AOPEP: variants seen among roughly 807,000 people sequenced by gnomAD.
AOPEP encodes the protein aminopeptidase O (putative).
A neutral mutation model predicts 98.1 loss-of-function variants in AOPEP; 77 were observed. That is an observed-to-expected ratio of 0.78 (90% CI 0.65 to 0.95). AOPEP has a LOEUF of 0.95. Among genes scored for constraint, AOPEP ranks in the 40% least tolerant of loss-of-function variants. AOPEP has a pLI of 0.00. For missense variants in AOPEP, 1,024 were observed against 1,024.7 expected (o/e 1.00, Z 0.01); for synonymous variants, 346 against 365.3 (o/e 0.95, Z 0.60).
At chr9:94,803,579 G>A (rs2584804) in intron 5 of AOPEP, among the ~76,000 whole-genome samples, 21,484 of 152,186 alleles carry the variant, frequency 0.14, 1,672 homozygotes, top group Admixed American at 0.19. Flanking sequence ...TATAAAACTT[G>A]AATGTATGAT....
At chr9:94,892,921 GA>G (rs2049037750) in intron 5 of AOPEP, among the ~76,000 whole-genome samples, 1 of 152,118 alleles carries the variant, frequency 6.6e-6, no homozygotes, top group African/African-American at 2.4e-5. Context: ...TTGAACACCT[GA>G]CCTCAAGCAA....
chr9:94,831,460 T>A (rs1855946444), intron 5 of AOPEP, among the ~76,000 whole-genome samples: 1 of 152,188 alleles, frequency 6.6e-6, no homozygotes. Flanking sequence ...ACTGTAGCCT[T>A]GTAGTGTAGT....
intron 11 of AOPEP, among the ~76,000 whole-genome samples, chr9:95,001,192 A>G (rs74645735): frequency 0.028 from 4,266 of 152,290 alleles, 221 homozygotes; most frequent in African/African-American, 0.097. Context: ...TTCTTTGTCT[A>G]AGAAAAGGAA....
At chr9:95,114,731 G>A in the AOPEP span, 18 of 1,605,826 alleles carry the variant, frequency 1.1e-5, no homozygotes, top group African/African-American at 1.5e-4. Context: ...AGAGAGATAC[G>A]TCAGAGGGCA....
chr9:94,915,027 G>A (rs1001723426), intron 5 of AOPEP, among the ~76,000 whole-genome samples: 3 of 152,128 alleles, frequency 2.0e-5, no homozygotes, highest in African/African-American at 4.8e-5. Flanking sequence ...TCTGATACCC[G>A]CTGGTGTTGA....
At chr9:95,087,461 C>T (rs552816128), downstream of AOPEP, among the ~76,000 whole-genome samples, 210 of 108,350 alleles carry the variant, frequency 1.9e-3, no homozygotes, top group Admixed American at 3.0e-3. Flanking sequence ...CCAGCCTGGG[C>T]GACAGAGCAA....
chr9:94,820,169 C>A (rs1037071154), intron 5 of AOPEP, among the ~76,000 whole-genome samples: 2 of 152,234 alleles, frequency 1.3e-5, no homozygotes, highest in African/African-American at 4.8e-5. Context: ...TTGTCTCAAA[C>A]TCCTGACCTC....
At chr9:94,839,568 G>A (rs753993657) in intron 5 of AOPEP, among the ~76,000 whole-genome samples, 22 of 152,102 alleles carry the variant, frequency 1.4e-4, no homozygotes, top group Non-Finnish European at 2.1e-4. Context: ...TTCATAACTA[G>A]TATATAGAAA....
At chr9:94,775,450 A>T (rs1841879063) in intron 3 of AOPEP, among the ~76,000 whole-genome samples, 1 of 151,438 alleles carries the variant, frequency 6.6e-6, no homozygotes, top group Non-Finnish European at 1.5e-5. Flanking sequence ...GCTCACTGCA[A>T]CCTCTGCCTC....
intron 13 of AOPEP, among the ~76,000 whole-genome samples, chr9:95,028,391 G>A (rs1355638811): frequency 6.6e-6 from 1 of 152,182 alleles, no homozygotes; most frequent in African/African-American, 2.4e-5. Context: ...TGCCTGTGGT[G>A]CACAGTGCAT....
chr9:95,101,737 C>G, the AOPEP span: 4 of 1,614,116 alleles, frequency 2.5e-6, no homozygotes, highest in East Asian at 8.9e-5. Context: ...CTTTAAGGAG[C>G]TCTCGGGCCA....
rs754818005 is a variant in AOPEP, at chr9:94,955,933, C to A, written c.1790C>A (p.Ala597Asp). The A allele has an allele frequency of 2.5e-6, 4 of 1,612,242 alleles. No homozygotes were observed. The change falls in exon 9 of 17, where the codon GCC becomes GAC. Residue 597 changes from alanine to aspartate, a missense_variant. Physicochemically the swap from Ala to Asp is moderately radical, Grantham distance 126 (BLOSUM62 -2). This residue lies in a region of AOPEP where 566 missense variants were observed against 551.7 expected (regional missense o/e 1.03). Coordinates refer to ENST00000375315, the MANE Select transcript of AOPEP (RefSeq NM_001193329.3). ...GGCTACTTCCTTCTTCGGTTTCTTG[C>A]CAAAAGACTTGGAGATGAAACCTAT... ...LKGYFLLRFL[A>D]KRLGDETYFS...
chr9:95,008,470 G>A (rs191889305), intron 13 of AOPEP, among the ~76,000 whole-genome samples: 94 of 152,316 alleles, frequency 6.2e-4, no homozygotes, highest in African/African-American at 2.1e-3. Context: ...ATCTTCCAGG[G>A]ATGTTTGTTT....
At chr9:94,985,906 A>C (rs1389720464) in intron 11 of AOPEP, among the ~76,000 whole-genome samples, 1 of 152,214 alleles carries the variant, frequency 6.6e-6, no homozygotes, top group Non-Finnish European at 1.5e-5. Context: ...GGCCCCCTCC[A>C]TAGGCTCTTC....
chr9:95,036,465 A>G (rs1412642510), intron 13 of AOPEP, among the ~76,000 whole-genome samples: 1 of 152,174 alleles, frequency 6.6e-6, no homozygotes, highest in East Asian at 1.9e-4. Context: ...GGGTGAGAGA[A>G]AATCTTTCAT....
Position 94,760,423 on chromosome 9 carries a change from G to A in AOPEP, c.640G>A (p.Gly214Ser). The A allele has an allele frequency of 6.2e-7, 1 of 1,614,018 alleles. No homozygotes were observed. The highest frequency in any genetic ancestry group is 8.5e-7 in the Non-Finnish European group (1 of 1,179,944). ...TTACGCTCGCTGCAGCCAGGCTCCT[G>A]GCTGTGGGGAACTCCTCTTTGACAC... ...DYYARCSQAPGCGELLFDTDT... is the reference protein window; with the variant it reads ...DYYARCSQAPSCGELLFDTDT... The change falls in exon 2 of 17, where the codon GGC becomes AGC. Residue 214 changes from glycine (G) to serine (S), a missense_variant. Transcript: ENST00000375315.
At chr9:94,865,039 G>C (rs938529703) in intron 5 of AOPEP, among the ~76,000 whole-genome samples, 7 of 152,056 alleles carry the variant, frequency 4.6e-5, no homozygotes, top group Non-Finnish European at 1.0e-4. Context: ...TAATTTTCTA[G>C]TGTCTAACAC....
At chr9:95,085,659 C>T (rs1025753387) in intron 16 of AOPEP, 16 of 360,556 alleles carry the variant, frequency 4.4e-5, no homozygotes, top group Non-Finnish European at 8.2e-5. Flanking sequence ...GACCACTTGA[C>T]CCCAAGGATG....
At chr9:95,126,710 A>G in the AOPEP span, 7 of 908,996 alleles carry the variant, frequency 7.7e-6, no homozygotes, top group East Asian at 1.9e-4. Flanking sequence ...TTTTGGTTAG[A>G]AGAACGAACC....
Sources: gnomAD v4.1 joint callset for allele counts (sites outside exome capture counted in the v4.1 genomes callset) on GRCh38, gnomAD v4.1.1 for gene constraint, gnomAD v4.1.1 regional missense constraint, MANE v1.5 for transcripts, NCBI Gene and HGNC (gene_info 2026-07-23, HGNC 2026-07-21) for gene names.